CMTR1: variants seen among roughly 807,000 people sequenced by gnomAD.
The protein encoded by CMTR1 is cap-specific mRNA (nucleoside-2'-O-)-methyltransferase 1.
CMTR1 carries 39 observed loss-of-function variants against 107.0 expected under a neutral mutation model. That is an observed-to-expected ratio of 0.36 (90% confidence interval 0.28 to 0.48). The LOEUF (loss-of-function observed/expected upper bound fraction) is 0.48. Ranked by LOEUF, CMTR1 falls within the 20% of genes least tolerant of loss-of-function variation. The pLI is 0.99. For synonymous variants in CMTR1, 366 were observed against 379.5 expected (o/e 0.96, Z 0.41); for missense variants, 672 against 1,064.9 (o/e 0.63, Z 5.14).
intron 4 of CMTR1, among the ~76,000 whole-genome samples, chr6:37,446,824 C>T (rs978278338): frequency 3.4e-4 from 52 of 152,222 alleles, no homozygotes; most frequent in African/African-American, 1.2e-3. Context: ...CACCCACTCT[C>T]TCACTGTGTG....
chr6:37,461,846 C>A, intron 11 of CMTR1, 124 bp from the exon 12 acceptor site: 1 of 1,120,868 alleles, frequency 8.9e-7, no homozygotes, highest in Non-Finnish European at 1.3e-6. Flanking sequence ...CTTAAATTGT[C>A]TCTGAGTTTT....
intron 10 of CMTR1, among the ~76,000 whole-genome samples, chr6:37,459,983 G>C (rs1382815922): frequency 6.6e-6 from 1 of 152,190 alleles, no homozygotes; most frequent in Non-Finnish European, 1.5e-5. Flanking sequence ...CCTAACCAAA[G>C]ACGGCAGCAC....
intron 13 of CMTR1, among the ~76,000 whole-genome samples, chr6:37,468,608 G>C (rs1761556758): frequency 6.6e-6 from 1 of 152,166 alleles, no homozygotes; most frequent in Non-Finnish European, 1.5e-5. Context: ...TTTAGGCCAG[G>C]CATGGTGGCT....
chr6:37,434,212 C>G (rs1340540455), intron 1 of CMTR1, among the ~76,000 whole-genome samples: 2 of 152,098 alleles, frequency 1.3e-5, no homozygotes, highest in African/African-American at 4.8e-5. Flanking sequence ...CTGCCTGTAT[C>G]TAGTAAGAGG....
chr6:37,460,724 A>G (rs1296953009), intron 10 of CMTR1, among the ~76,000 whole-genome samples: 1 of 152,110 alleles, frequency 6.6e-6, no homozygotes, highest in African/African-American at 2.4e-5. Flanking sequence ...AAAAAACACA[A>G]ATTTGATCAT....
intron 2 of CMTR1, among the ~76,000 whole-genome samples, chr6:37,439,973 T>C (rs1341934324): frequency 6.6e-6 from 1 of 152,202 alleles, no homozygotes; most frequent in African/African-American, 2.4e-5. Flanking sequence ...AATCTTGGCA[T>C]GTTTGTCCCA....
chr6:37,432,579 C>T (rs1771407997), upstream of CMTR1, among the ~76,000 whole-genome samples: 1 of 152,150 alleles, frequency 6.6e-6, no homozygotes, highest in Non-Finnish European at 1.5e-5. Context: ...AGGGAGATTC[C>T]TCAGATTTCT....
chr6:37,451,752 C>A, intron 5 of CMTR1, 54 bp from the exon 6 acceptor site: 1 of 1,343,566 alleles, frequency 7.4e-7, no homozygotes, highest in South Asian at 1.2e-5. Context: ...TTCATTCATC[C>A]CCGACAATTG....
chr6:37,480,662 A>C lies in CMTR1; in HGVS notation c.*517A>C, dbSNP rs1761834907. On this transcript the variant is annotated 3_prime_UTR_variant, in exon 24 of 24. Coordinates refer to ENST00000373451, the MANE Select transcript of CMTR1 (RefSeq NM_015050.3). ...ATCAAGGTTTTGTTTCTTTGAACTT[A>C]CTCTGTTTTGATGCCAAATTGGAGA... is the stretch of plus-strand genomic sequence containing the variant. The C allele has an allele frequency of 9.7e-7, 1 of 1,025,654 alleles. No individual in the cohort carries two copies. Among genetic ancestry groups the C allele is most frequent in the Non-Finnish European group, 1.2e-6 (1 of 856,400 alleles). 63.5% of individuals were successfully genotyped at this position (1,025,654 alleles called of 1,614,324 possible). A position where few individuals can be genotyped will look rare whatever the true frequency, so the allele number is the denominator to read the frequency against.
chr6:37,451,720 A>T, intron 5 of CMTR1, 86 bp from the exon 6 acceptor site: 1 of 959,860 alleles, frequency 1.0e-6, no homozygotes, highest in Non-Finnish European at 1.7e-6. Context: ...TTCTTGCTCT[A>T]CTTACTTGGA....
At position 37,446,276 on chromosome 6, in the gene CMTR1, A is replaced by G. The variant is rs370150284; in HGVS notation, c.286-15A>G. Reference sequence around the variant, plus strand: ...TGAACCTAATTAATTGTGCTCCACTACTTCTCTTTTTCAGGCCAAGATGGG... The same window carrying G: ...TGAACCTAATTAATTGTGCTCCACTGCTTCTCTTTTTCAGGCCAAGATGGG... On this transcript the variant is annotated splice_polypyrimidine_tract_variant and intron_variant, in intron 3 of 23. Transcript: ENST00000373451. The G allele has an allele frequency of 2.7e-5, 43 of 1,613,666 alleles. No homozygotes were observed. Among genetic ancestry groups the G allele is most frequent in the Middle Eastern group, 1.6e-4 (1 of 6,082 alleles).
At chr6:37,477,735 C>CGGGGGGT in intron 21 of CMTR1, 96 bp downstream of exon 21, 1 of 373,520 alleles carries the variant, frequency 2.7e-6, no homozygotes, top group Non-Finnish European at 4.6e-6. Context: ...GGGTCGGGGG[C>CGGGGGGT]GGGGGGTGGT....
Position 37,472,371 on chromosome 6 carries a change from G to A in CMTR1, c.1621-48G>A, listed in dbSNP as rs1761645484. 8.9e-6 allele frequency: 14 copies of A among 1,565,390 alleles called. No individual in the cohort carries two copies. Among genetic ancestry groups the A allele is most frequent in the Non-Finnish European group, 1.2e-5 (14 of 1,135,678 alleles). ...CCTGCATATACTCATACACGGTCTT[G>A]GTCAAAAGGGCATTTGAAAGTCAAA... On this transcript the variant is annotated intron_variant, in intron 15 of 23. Coordinates refer to ENST00000373451, the MANE Select transcript of CMTR1 (RefSeq NM_015050.3). This position sits in a 1 kb window ranked among gnomAD's most constrained non-coding sequence, Gnocchi z 4.1.
At chr6:37,435,482 A>C in intron 1 of CMTR1, 142 bp from the exon 2 acceptor site, 1 of 802,160 alleles carries the variant, frequency 1.2e-6, no homozygotes, top group Non-Finnish European at 1.9e-6. Flanking sequence ...ATTCTGAGGA[A>C]GAGGCTATTC....
At position 37,465,061 on chromosome 6, in the gene CMTR1, G is replaced by A. The variant is rs895900758; in HGVS notation, c.1505+2053G>A. 7.9e-5 allele frequency among the ~76,000 whole-genome samples: 12 copies of A among 152,122 alleles called. No individual in the cohort carries two copies. In the East Asian group the frequency reaches 1.9e-3, roughly 24 times the overall value. On this transcript the variant is annotated intron_variant, in intron 13 of 23. Coordinates refer to ENST00000373451, the MANE Select transcript of CMTR1 (RefSeq NM_015050.3). The stretch of plus-strand genomic sequence containing the variant: ...AGGCGGGTGGATCACCTGAGGTCGG[G>A]AGTTTGAGACCAGCCTGGCCAACAT...
rs1481180166 is a variant in CMTR1, at chr6:37,481,146, G to A, written c.*1001G>A. On this transcript the variant is annotated 3_prime_UTR_variant, in exon 24 of 24. Coordinates refer to ENST00000373451, the MANE Select transcript of CMTR1 (RefSeq NM_015050.3). ...GAGGTACAATCTGCTTTTGTTTGTC[G>A]TTAAGTGGTCACTCCCATTTCCTTT... 7 of 1,303,066 alleles carry A rather than the reference G, an allele frequency of 5.4e-6. No individual in the cohort carries two copies. The highest frequency in any genetic ancestry group is 4.6e-5 in the African/African-American group (3 of 65,456). 80.7% of individuals were successfully genotyped at this position (1,303,066 alleles called of 1,614,324 possible).
intron 6 of CMTR1, 85 bp from the exon 7 acceptor site, chr6:37,452,962 G>T (rs1761215893): frequency 2.6e-6 from 3 of 1,150,388 alleles, no homozygotes; most frequent in African/African-American, 1.5e-5. Context: ...CTTGTTCCTT[G>T]GAGGGCTGTG....
rs1374080916 is a variant in CMTR1 at position 37,451,830 on chromosome 6, A to G, written c.562A>G (p.Thr188Ala). ...GAGAAAGATGATTATTGAAGATGAA[A>G]CAGAGTTTTGTGGGGAAGAGCTGCT... ...GKRKMIIEDETEFCGEELLHS... is the reference protein window; with the variant it reads ...GKRKMIIEDEAEFCGEELLHS... Residue 188 changes from threonine (T) to alanine (A), a missense_variant, in exon 6 of 24, where the codon ACA becomes GCA. Transcript: ENST00000373451. 4 of 1,613,644 alleles carry G rather than the reference A, an allele frequency of 2.5e-6. No individual in the cohort carries two copies. In the South Asian group the frequency reaches 4.4e-5, roughly 18 times the overall value.
intron 10 of CMTR1, among the ~76,000 whole-genome samples, chr6:37,461,250 C>T (rs1253330495): frequency 6.6e-6 from 1 of 152,168 alleles, no homozygotes; most frequent in Non-Finnish European, 1.5e-5. Context: ...TCTCTGGATT[C>T]CCATGAGTTA....
Sources: allele counts gnomAD v4.1 joint callset (sites outside exome capture counted in the v4.1 genomes callset), GRCh38; gene constraint gnomAD v4.1.1; non-coding constraint Gnocchi (gnomAD v3.1); transcripts MANE v1.5; gene names NCBI Gene and HGNC (gene_info 2026-07-23, HGNC 2026-07-21).